The following SDK1 variants were observed in gnomAD, a reference collection of about 807,000 sequenced individuals.
SDK1 encodes the protein protein sidekick-1.
Under a neutral mutation model 245.5 loss-of-function variants are expected in SDK1, and 157 were observed. The ratio of observed to expected loss-of-function variants is 0.64; its 90% CI spans 0.56 to 0.73. The LOEUF (loss-of-function observed/expected upper bound fraction) is 0.73. SDK1 is among the 30% of genes least tolerant of loss of function. SDK1 has a pLI of 0.00. For missense variants in SDK1, 3,583 were observed against 3,002.3 expected (o/e 1.19, Z -4.52); for synonymous variants, 1,647 against 1,278.5 (o/e 1.29, Z -6.15).
At chr7:3,878,192 A>G (rs937110262) in intron 5 of SDK1, among the ~76,000 whole-genome samples, 1 of 152,048 alleles carries the variant, frequency 6.6e-6, no homozygotes, top group African/African-American at 2.4e-5. Flanking sequence ...TTTTTTTCAT[A>G]TTAAAAGAGA....
intron 5 of SDK1, among the ~76,000 whole-genome samples, chr7:3,846,087 G>A (rs566898625): frequency 1.4e-4 from 21 of 152,226 alleles, no homozygotes; most frequent in South Asian, 6.2e-4. Flanking sequence ...AGGAAAGTGC[G>A]TCCCAGGAAT....
intron 5 of SDK1, among the ~76,000 whole-genome samples, chr7:3,904,637 T>C (rs894735332): frequency 2.0e-5 from 3 of 152,032 alleles, no homozygotes; most frequent in Non-Finnish European, 2.9e-5. Flanking sequence ...AAGGCTGCAG[T>C]GGGCTACGAT....
At chr7:3,845,802 A>T (rs1451750800) in intron 5 of SDK1, among the ~76,000 whole-genome samples, 1 of 152,174 alleles carries the variant, frequency 6.6e-6, no homozygotes, top group Non-Finnish European at 1.5e-5. Flanking sequence ...AAAATAATAA[A>T]AGTAAAATAA....
At chr7:3,855,096 C>T (rs1055704855) in intron 5 of SDK1, among the ~76,000 whole-genome samples, 8 of 152,060 alleles carry the variant, frequency 5.3e-5, no homozygotes, top group Non-Finnish European at 2.9e-5. Flanking sequence ...AGAGAGAGGT[C>T]ACTTTTCTAG....
chr7:3,674,727 A>C (rs185749569), intron 4 of SDK1, among the ~76,000 whole-genome samples: 1 of 152,108 alleles, frequency 6.6e-6, no homozygotes, highest in African/African-American at 2.4e-5. Context: ...GCTTTTTCCA[A>C]TTTTCATGGT....
intron 42 of SDK1, among the ~76,000 whole-genome samples, chr7:4,240,124 T>C (rs1333386495): frequency 6.6e-6 from 1 of 152,180 alleles, no homozygotes; most frequent in Non-Finnish European, 1.5e-5. Context: ...GGCGTGTCAT[T>C]TTCCTGAGTT....
At chr7:3,840,952 C>G (rs993106020) in intron 5 of SDK1, among the ~76,000 whole-genome samples, 1 of 152,332 alleles carries the variant, frequency 6.6e-6, no homozygotes, top group African/African-American at 2.4e-5. Flanking sequence ...TCAGATGGCT[C>G]TGAGCCTCCA....
At chr7:4,194,346 A>AC (rs1562415856) in intron 35 of SDK1, among the ~76,000 whole-genome samples, 8 of 115,468 alleles carry the variant, frequency 6.9e-5, no homozygotes, top group East Asian at 4.2e-4. Context: ...ATACATGTAT[A>AC]GATATATGTA....
At chr7:3,605,821 A>G (rs1314798999) in intron 1 of SDK1, among the ~76,000 whole-genome samples, 4 of 152,166 alleles carry the variant, frequency 2.6e-5, no homozygotes, top group African/African-American at 4.8e-5. Flanking sequence ...TAGGACATTT[A>G]AATTTTAACT....
chr7:3,424,462 T>G (rs1779620308), intron 1 of SDK1, among the ~76,000 whole-genome samples: 1 of 152,184 alleles, frequency 6.6e-6, no homozygotes, highest in South Asian at 2.1e-4. Flanking sequence ...CTTTTCACAC[T>G]GATAAAAACA....
In SDK1 at chr7:3,904,790, G is replaced by A. The variant is rs575182057; in HGVS notation, c.848-46133G>A. On this transcript the variant is annotated intron_variant, in intron 5 of 44. Coordinates refer to ENST00000404826, the MANE Select transcript of SDK1 (RefSeq NM_152744.4). ...GGGGGGATCACAAGGTCAGGAGATC[G>A]AGACCATCCTGGAGAACACAATAGA... is the stretch of plus-strand genomic sequence containing the variant. Among the ~76,000 whole-genome samples the A allele has an allele frequency of 5.3e-5, 8 of 152,134 alleles. No individual in the cohort carries two copies. In the South Asian group the frequency reaches 8.3e-4, roughly 16 times the overall value.
chr7:3,407,540 C>A (rs533559355), intron 1 of SDK1, among the ~76,000 whole-genome samples: 1 of 152,132 alleles, frequency 6.6e-6, no homozygotes, highest in Non-Finnish European at 1.5e-5. Context: ...GGGATACTTA[C>A]ATCCAGAAAT....
At chr7:4,004,409 G>A (rs1321476520) in intron 14 of SDK1, among the ~76,000 whole-genome samples, 1 of 152,118 alleles carries the variant, frequency 6.6e-6, no homozygotes, top group Non-Finnish European at 1.5e-5. Context: ...TAACCTGGGG[G>A]AACTATCCTT....
intron 30 of SDK1, among the ~76,000 whole-genome samples, chr7:4,157,117 G>A (rs983336151): frequency 6.6e-6 from 1 of 152,110 alleles, no homozygotes; most frequent in African/African-American, 2.4e-5. Context: ...GTTGCAGGGC[G>A]GGTCCCTGAC....
At chr7:4,148,324 T>G (rs1322490405) in intron 29 of SDK1, among the ~76,000 whole-genome samples, 1 of 151,030 alleles carries the variant, frequency 6.6e-6, no homozygotes, top group Non-Finnish European at 1.5e-5. Context: ...GATAAACAAT[T>G]AAACAATTAT....
intron 5 of SDK1, among the ~76,000 whole-genome samples, chr7:3,839,109 T>C (rs1001537207): frequency 6.6e-6 from 1 of 152,160 alleles, no homozygotes; most frequent in African/African-American, 2.4e-5. Flanking sequence ...GTGTACTCTT[T>C]CCTGGGATGG....
At chr7:3,863,191 A>G (rs1780738403) in intron 5 of SDK1, among the ~76,000 whole-genome samples, 1 of 152,158 alleles carries the variant, frequency 6.6e-6, no homozygotes, top group African/African-American at 2.4e-5. Context: ...ACTTAGCAAG[A>G]TGACCCAGAC....
chr7:3,711,674 T>C (rs1027156330), intron 4 of SDK1, among the ~76,000 whole-genome samples: 1 of 152,008 alleles, frequency 6.6e-6, no homozygotes, highest in Non-Finnish European at 1.5e-5. Flanking sequence ...AGGAAGAAAA[T>C]GACTGTGGCT....
intron 1 of SDK1, among the ~76,000 whole-genome samples, chr7:3,389,731 C>A (rs1781699210): frequency 6.9e-6 from 1 of 144,042 alleles, no homozygotes; most frequent in Non-Finnish European, 1.5e-5. Context: ...TGCCACTGCA[C>A]TCCACAGCCT....
Sources: gnomAD v4.1 joint callset for allele counts (sites outside exome capture counted in the v4.1 genomes callset) on GRCh38, gnomAD v4.1.1 for gene constraint, MANE v1.5 for transcripts, NCBI Gene and HGNC (gene_info 2026-07-23, HGNC 2026-07-21) for gene names.